Variants in PPP2R5A observed in about 807,000 individuals in gnomAD.
The protein encoded by PPP2R5A is serine/threonine-protein phosphatase 2A 56 kDa regulatory subunit alpha isoform.
PPP2R5A carries 25 observed loss-of-function variants against 64.2 expected under a neutral mutation model. The ratio of observed to expected loss-of-function variants is 0.39; its 90% CI spans 0.28 to 0.54. The LOEUF (loss-of-function observed/expected upper bound fraction) is 0.54, where lower values mean the gene tolerates loss of function less well. Among genes scored for constraint, PPP2R5A ranks in the 20% least tolerant of loss-of-function variants. The pLI is 0.67. For missense variants in PPP2R5A, 425 were observed against 576.3 expected, an observed-to-expected ratio of 0.74 and a Z score of 2.69; for synonymous variants, 198 against 201.2, an observed-to-expected ratio of 0.98 and a Z score of 0.13.
intron 1 of PPP2R5A, among the ~76,000 whole-genome samples, chr1:212,321,203 A>C (rs1366295673): frequency 2.4e-5 from 3 of 126,870 alleles, no homozygotes; most frequent in Non-Finnish European, 3.3e-5. Context: ...TGACCCCCCC[A>C]CATCCTTCCC....
At chr1:212,286,317 C>T (rs1156376944) in intron 1 of PPP2R5A, 26 bp downstream of exon 1, 3 of 1,463,090 alleles carry the variant, frequency 2.1e-6, no homozygotes, top group Non-Finnish European at 2.7e-6. Flanking sequence ...GCAGCCCCAG[C>T]AGCGAGCGCA....
At chr1:212,337,947 A>C (rs1659617432) in intron 3 of PPP2R5A, among the ~76,000 whole-genome samples, 1 of 152,158 alleles carries the variant, frequency 6.6e-6, no homozygotes, top group African/African-American at 2.4e-5. Context: ...ATATTAAATC[A>C]ATTAAAAACC....
intron 1 of PPP2R5A, among the ~76,000 whole-genome samples, chr1:212,287,070 T>C (rs1239471843): frequency 1.3e-5 from 2 of 152,198 alleles, no homozygotes; most frequent in Non-Finnish European, 2.9e-5. Flanking sequence ...CCAGGGACTT[T>C]GTAGGTTTGT....
In PPP2R5A at chr1:212,356,817, A is replaced by G. The variant is rs1469232836; in HGVS notation, c.979-133A>G. The G allele has an allele frequency of 7.9e-6, 10 of 1,263,734 alleles. No individual in the cohort carries two copies. The Admixed American group carries it at 1.4e-4, about 17-fold the overall frequency. 78.3% of individuals were successfully genotyped at this position (1,263,734 alleles called of 1,614,324 possible). A position where few individuals can be genotyped will look rare whatever the true frequency, so the allele number is the denominator to read the frequency against. ...ACAGACTTGGTAGAAGACCTGTGCT[A>G]TAGTAAACTCTGCCATCCAGACATT... On this transcript the variant is annotated intron_variant, in intron 9 of 12. Transcript: ENST00000261461.
At chr1:212,335,353 T>TA (rs1299277440) in intron 3 of PPP2R5A, among the ~76,000 whole-genome samples, 1 of 151,642 alleles carries the variant, frequency 6.6e-6, no homozygotes, top group Non-Finnish European at 1.5e-5. Flanking sequence ...CACATGCCTG[T>TA]AATCCCAACT....
In PPP2R5A at chr1:212,360,669, T is replaced by C. The variant is rs1660063155; in HGVS notation, c.1360T>C (p.Leu454=). 2 of 1,581,902 alleles carry C rather than the reference T, an allele frequency of 1.3e-6. No homozygotes were observed. Among genetic ancestry groups the C allele is most frequent in the South Asian group, 1.2e-5 (1 of 85,898 alleles). Reference sequence around the variant, plus strand: ...AAAGAAGGAATTGGAACGTGAAGAATTATGGAAAAAATTAGAGGAGCTAAA... The same window carrying C: ...AAAGAAGGAATTGGAACGTGAAGAACTATGGAAAAAATTAGAGGAGCTAAA... ...EKKKELEREE[L]WKKLEELKLK... The change falls in exon 13 of 13, where the codon TTA becomes CTA. Residue 454 remains leucine, a synonymous_variant. Transcript: ENST00000261461.
intron 1 of PPP2R5A, among the ~76,000 whole-genome samples, chr1:212,298,828 G>T (rs1571575422): frequency 2.7e-5 from 1 of 37,396 alleles, no homozygotes; most frequent in Non-Finnish European, 5.0e-5. Flanking sequence ...AGGGGCGGCC[G>T]GGCAGAGGCG....
At chr1:212,359,774 T>C (rs1012451501) in intron 12 of PPP2R5A, among the ~76,000 whole-genome samples, 1 of 152,188 alleles carries the variant, frequency 6.6e-6, no homozygotes, top group Non-Finnish European at 1.5e-5. Context: ...TTATTTCCTT[T>C]AAATAGCAGC....
At chr1:212,346,475 C>T (rs942291319) in intron 5 of PPP2R5A, among the ~76,000 whole-genome samples, 3 of 151,984 alleles carry the variant, frequency 2.0e-5, no homozygotes, top group Non-Finnish European at 4.4e-5. Context: ...ATAACGTCCA[C>T]ACATCCTCCT....
intron 1 of PPP2R5A, among the ~76,000 whole-genome samples, chr1:212,310,322 C>T (rs542963081): frequency 6.6e-6 from 1 of 151,676 alleles, no homozygotes; most frequent in African/African-American, 2.4e-5. Context: ...TGAAAAATAA[C>T]TAGCCTACAG....
At chr1:212,347,240 T>C in intron 5 of PPP2R5A, 107 bp from the exon 6 acceptor site, 1 of 763,700 alleles carries the variant, frequency 1.3e-6, no homozygotes, top group East Asian at 2.7e-5. Flanking sequence ...CATGCTTGTG[T>C]GTTTCTAATA....
intron 1 of PPP2R5A, among the ~76,000 whole-genome samples, chr1:212,304,316 C>T (rs143873394): frequency 3.9e-5 from 6 of 152,080 alleles, no homozygotes; most frequent in African/African-American, 7.2e-5. Flanking sequence ...TTTGGGAGGC[C>T]GAGGTGGGTG....
intron 1 of PPP2R5A, among the ~76,000 whole-genome samples, chr1:212,317,814 C>T (rs1337971020): frequency 1.3e-5 from 2 of 151,992 alleles, no homozygotes; most frequent in Non-Finnish European, 2.9e-5. Flanking sequence ...GGTGAAACCT[C>T]GTCTCTACTA....
intron 1 of PPP2R5A, among the ~76,000 whole-genome samples, chr1:212,288,047 A>C (rs1558136300): frequency 6.6e-6 from 1 of 151,756 alleles, no homozygotes; most frequent in Non-Finnish European, 1.5e-5. Context: ...TTATTTTTTC[A>C]CTTTCGTTGC....
rs779904784 is a variant in PPP2R5A at position 212,342,181 on chromosome 1, C to G, written c.481-7C>G. On this transcript the variant is annotated splice_region_variant and splice_polypyrimidine_tract_variant and intron_variant, in intron 3 of 12. Transcript: ENST00000261461. ...CATCTTAGCCTTTATTTGACTTTCT[C>G]TCATAGTTGGTATATGAATTCTTCT... The G allele has an allele frequency of 2.5e-6, 4 of 1,612,280 alleles. No homozygotes were observed. In the Admixed American group the frequency reaches 6.7e-5, roughly 27 times the overall value.
intron 1 of PPP2R5A, among the ~76,000 whole-genome samples, chr1:212,326,988 T>C (rs1659417344): frequency 4.6e-5 from 7 of 152,234 alleles, no homozygotes; most frequent in Admixed American, 4.6e-4. Context: ...ATACCTGACC[T>C]ACTACGGTTC....
chr1:212,329,581 C>G (rs887434946), intron 2 of PPP2R5A, among the ~76,000 whole-genome samples: 2 of 152,036 alleles, frequency 1.3e-5, no homozygotes, highest in Admixed American at 6.6e-5. Context: ...AGGGTTTAGG[C>G]CTGGGATTAT....
chr1:212,312,390 T>C (rs2102420927), intron 1 of PPP2R5A, among the ~76,000 whole-genome samples: 1 of 152,342 alleles, frequency 6.6e-6, no homozygotes, highest in African/African-American at 2.4e-5. Flanking sequence ...TTTTCATAGA[T>C]ATTCCTGAAT....
intron 1 of PPP2R5A, among the ~76,000 whole-genome samples, chr1:212,293,522 C>CT (rs1658640113): frequency 6.6e-6 from 1 of 152,182 alleles, no homozygotes; most frequent in Non-Finnish European, 1.5e-5. Flanking sequence ...AAAATAAACT[C>CT]TACTTCTCTG....
Sources: gnomAD v4.1 joint callset for allele counts (sites outside exome capture counted in the v4.1 genomes callset) on GRCh38, gnomAD v4.1.1 for gene constraint, MANE v1.5 for transcripts, NCBI Gene and HGNC (gene_info 2026-07-23, HGNC 2026-07-21) for gene names.